The following GFPT2 variants were observed in gnomAD, a reference collection of about 807,000 sequenced individuals.
GFPT2 encodes the protein glutamine--fructose-6-phosphate transaminase 2, also known as glutamine--fructose-6-phosphate aminotransferase [isomerizing] 2.
A neutral mutation model predicts 85.6 loss-of-function variants in GFPT2; 62 were observed. That is an observed-to-expected ratio of 0.72 (90% CI 0.59 to 0.90). GFPT2 has a LOEUF of 0.90. Ranked by LOEUF, GFPT2 falls within the 40% of genes least tolerant of loss-of-function variation. The probability of loss-of-function intolerance (pLI) is 0.00; values close to 1 mark genes in which losing one functional copy is unlikely to be tolerated. For missense variants in GFPT2, 788 were observed against 893.4 expected (o/e 0.88, Z 1.50); for synonymous variants, 368 against 344.5 (o/e 1.07, Z -0.75).
intron 1 of GFPT2, among the ~76,000 whole-genome samples, chr5:180,342,319 C>T (rs1437633208): frequency 6.6e-6 from 1 of 151,848 alleles, no homozygotes; most frequent in African/African-American, 2.4e-5. Context: ...AGTCATGTAC[C>T]GTAGCAGCCT....
At position 180,325,890 on chromosome 5, in the gene GFPT2, TG is replaced by T. The variant is rs558169244; in HGVS notation, c.597-996del. On this transcript the variant is annotated intron_variant, in intron 7 of 18. Transcript: ENST00000253778. ...AAATACAAAAATTAGCTGGGCATGGTGGGGGGTGCCTGTAATCCCAGCTACT... is the reference window on the plus strand; with the variant it reads ...AAATACAAAAATTAGCTGGGCATGGTGGGGGTGCCTGTAATCCCAGCTACT... Among the ~76,000 whole-genome samples the T allele has an allele frequency of 2.2e-3, 342 of 152,170 alleles. 1 individual carries two copies. The highest frequency in any genetic ancestry group is 8.1e-3 in the African/African-American group (335 of 41,504).
At chr5:180,317,713 C>G (rs1489356861) in intron 10 of GFPT2, among the ~76,000 whole-genome samples, 1 of 115,864 alleles carries the variant, frequency 8.6e-6, no homozygotes. Flanking sequence ...GAGCCGAGAT[C>G]GCGCCACAGC....
rs774170559 is a variant in GFPT2 at position 180,302,533 on chromosome 5, C to CA, written c.1893dup (p.Ala632CysfsTer3). The CA allele has an allele frequency of 4.3e-6, 7 of 1,613,996 alleles. No individual in the cohort carries two copies. The highest frequency in any genetic ancestry group is 4.2e-6 in the Non-Finnish European group (5 of 1,179,882). On this transcript the variant is annotated frameshift_variant, in exon 18 of 19. Coordinates refer to ENST00000253778, the MANE Select transcript of GFPT2 (RefSeq NM_005110.4). LOFTEE classifies it high-confidence loss of function. ...TGGGGCAGCTCAATTGTCTTATACG[C>CA]AAACTTGGAACTTTCAGTATCGTCC... is the stretch of plus-strand genomic sequence containing the variant.
At chr5:180,325,024 C>A in intron 7 of GFPT2, 129 bp from the exon 8 acceptor site, 1 of 694,488 alleles carries the variant, frequency 1.4e-6, no homozygotes, top group Non-Finnish European at 2.6e-6. Flanking sequence ...GTTTAGGTCC[C>A]ACAGGACGGA....
In GFPT2 at chr5:180,328,828, G is replaced by A. The variant is rs1252274831; in HGVS notation, c.535-490C>T. Among the ~76,000 whole-genome samples the A allele has an allele frequency of 6.6e-6, 1 of 152,216 alleles. No individual in the cohort carries two copies. The highest frequency in any genetic ancestry group is 1.5e-5 in the Non-Finnish European group (1 of 68,044). ...CGTTCTCCTCATCGGTGAAGGAAGT[G>A]AGAACAGCGCCACCTGGCGGGGCTT... On this transcript the variant is annotated intron_variant, in intron 6 of 18. Transcript: ENST00000253778. This position sits in a 1 kb window ranked among gnomAD's most constrained non-coding sequence, Gnocchi z 5.4.
Position 180,330,930 on chromosome 5 carries a change from G to A in GFPT2, c.400-96C>T. 8.7e-7 allele frequency: 1 copy of A among 1,149,012 alleles called. No individual in the cohort carries two copies. Among genetic ancestry groups the A allele is most frequent in the Non-Finnish European group, 1.3e-6 (1 of 798,794 alleles). 71.2% of individuals were successfully genotyped at this position (1,149,012 alleles called of 1,614,324 possible). A position where few individuals can be genotyped will look rare whatever the true frequency, so the allele number is the denominator to read the frequency against. On this transcript the variant is annotated intron_variant, in intron 5 of 18. Coordinates refer to ENST00000253778, the MANE Select transcript of GFPT2 (RefSeq NM_005110.4). This position sits in a 1 kb window ranked among gnomAD's most constrained non-coding sequence, Gnocchi z 4.4. ...CTCCCTGGTGATCTGCCCTTGGAGT[G>A]ACTTAAGTCAAGAACAGGGAAAACC...
rs1260568752 is a variant in GFPT2, at chr5:180,318,158, A to G, written c.958+635T>C. 1.3e-5 allele frequency among the ~76,000 whole-genome samples: 2 copies of G among 152,030 alleles called. No individual in the cohort carries two copies. The highest frequency in any genetic ancestry group is 2.9e-5 in the Non-Finnish European group (2 of 68,008). On this transcript the variant is annotated intron_variant, in intron 10 of 18. Coordinates refer to ENST00000253778, the MANE Select transcript of GFPT2 (RefSeq NM_005110.4). This position sits in a 1 kb window ranked among gnomAD's most constrained non-coding sequence, Gnocchi z 4.2. ...AACCAGTCCTATGAGAAGAACAGCG[A>G]ATGCAGGGGCTGTGGCGGGGCACAG...
At position 180,328,346 on chromosome 5, in the gene GFPT2, C is replaced by A. The variant is rs774883883; in HGVS notation, c.535-8G>T. The A allele has an allele frequency of 6.2e-7, 1 of 1,610,974 alleles. No homozygotes were observed. Among genetic ancestry groups the A allele is most frequent in the Non-Finnish European group, 8.5e-7 (1 of 1,177,326 alleles). On this transcript the variant is annotated splice_polypyrimidine_tract_variant and splice_region_variant and intron_variant, in intron 6 of 18. Coordinates refer to ENST00000253778, the MANE Select transcript of GFPT2 (RefSeq NM_005110.4). The surrounding 1 kb of genome is among the most constrained non-coding windows in gnomAD (Gnocchi z 5.4). ...CAGCGCGAATGCACCTTCCTGAAAA[C>A]ACACAAACAGTGAGGGTCAACGCGT... is the stretch of plus-strand genomic sequence containing the variant.
intron 1 of GFPT2, 146 bp downstream of exon 1, chr5:180,353,064 CG>C: frequency 1.6e-6 from 1 of 614,070 alleles, no homozygotes; most frequent in Non-Finnish European, 2.3e-6. Context: ...GCCCGGCCGA[CG>C]ACAGCCCCTC....
intron 1 of GFPT2, among the ~76,000 whole-genome samples, chr5:180,343,314 C>T (rs528533297): frequency 3.6e-4 from 55 of 152,358 alleles, no homozygotes; most frequent in African/African-American, 1.3e-3. Context: ...CGCAAGGCAC[C>T]GCTGACTTTC....
chr5:180,324,425 G>A (rs1182792503), intron 8 of GFPT2, 120 bp from the exon 9 acceptor site: 1 of 645,194 alleles, frequency 1.5e-6, no homozygotes, highest in East Asian at 2.6e-5. Context: ...TTTAGCTTTG[G>A]CTGTGTCAGC....
At chr5:180,336,110 A>C in intron 3 of GFPT2, 157 bp from the exon 4 acceptor site, 1 of 625,388 alleles carries the variant, frequency 1.6e-6, no homozygotes, top group Non-Finnish European at 2.8e-6. Context: ...CCCACAAACC[A>C]CCCGTGCTGA....
chr5:180,305,913 G>A (rs1456897064), intron 16 of GFPT2, among the ~76,000 whole-genome samples: 1 of 151,970 alleles, frequency 6.6e-6, no homozygotes, highest in Non-Finnish European at 1.5e-5. Flanking sequence ...CAAGACCAAG[G>A]AAATCAACTC....
intron 1 of GFPT2, among the ~76,000 whole-genome samples, chr5:180,341,509 G>T (rs971441710): frequency 2.6e-5 from 4 of 152,098 alleles, no homozygotes; most frequent in African/African-American, 9.7e-5. Context: ...TCAAAAATAG[G>T]CAATAAAATT....
chr5:180,329,586 G>A (rs961442893), intron 6 of GFPT2, among the ~76,000 whole-genome samples: 2 of 152,240 alleles, frequency 1.3e-5, no homozygotes, highest in Admixed American at 6.5e-5. Context: ...TCCTCTAAAT[G>A]ATGGACCTCC....
intron 1 of GFPT2, among the ~76,000 whole-genome samples, chr5:180,346,312 A>C (rs1581391150): frequency 6.6e-6 from 1 of 152,142 alleles, no homozygotes; most frequent in Non-Finnish European, 1.5e-5. Context: ...ACCTATCCCA[A>C]GAAGAAAGGT....
intron 7 of GFPT2, among the ~76,000 whole-genome samples, chr5:180,326,107 T>C (rs1463031842): frequency 1.3e-5 from 2 of 152,196 alleles, no homozygotes; most frequent in African/African-American, 4.8e-5. Flanking sequence ...CTTTGCTCAT[T>C]CTTATAAATT....
chr5:180,336,099 G>T, intron 3 of GFPT2, 146 bp from the exon 4 acceptor site: 2 of 674,390 alleles, frequency 3.0e-6, no homozygotes, highest in Non-Finnish European at 2.5e-6. Context: ...GTCCGCGCAG[G>T]CCCACAAACC....
chr5:180,319,124 A>C (rs1581375807), intron 9 of GFPT2, among the ~76,000 whole-genome samples, 168 bp from the exon 10 acceptor site: 1 of 151,734 alleles, frequency 6.6e-6, no homozygotes, highest in Admixed American at 6.6e-5. Context: ...TTTCTTCTCC[A>C]CTCTTCCCTC....
Sources: allele counts gnomAD v4.1 joint callset (sites outside exome capture counted in the v4.1 genomes callset), GRCh38; gene constraint gnomAD v4.1.1; non-coding constraint Gnocchi (gnomAD v3.1); transcripts MANE v1.5; gene names NCBI Gene and HGNC (gene_info 2026-07-23, HGNC 2026-07-21).